MAST4: variants seen among roughly 807,000 people sequenced by gnomAD.
MAST4 encodes microtubule associated serine/threonine kinase family member 4, also known as microtubule-associated serine/threonine-protein kinase 4.
MAST4 carries 89 observed loss-of-function variants against 162.7 expected under a neutral mutation model. The ratio of observed to expected loss-of-function variants is 0.55; its 90% CI spans 0.46 to 0.65. MAST4 has a LOEUF of 0.65. MAST4 is among the 30% of genes least tolerant of loss of function. The pLI, the probability that MAST4 is intolerant of heterozygous loss-of-function variation, is 0.00. For missense variants in MAST4, 3,153 were observed against 3,374.0 expected (o/e 0.93, Z 1.62); for synonymous variants, 1,479 against 1,361.1 (o/e 1.09, Z -1.91).
intron 1 of MAST4, among the ~76,000 whole-genome samples, chr5:66,632,434 C>T (rs553711127): frequency 1.3e-5 from 2 of 151,708 alleles, no homozygotes; most frequent in Admixed American, 6.6e-5. Context: ...TTGGAGAAGT[C>T]ATCTGGGCTA....
chr5:66,881,246 G>A (rs756865819), intron 3 of MAST4, among the ~76,000 whole-genome samples: 10 of 152,124 alleles, frequency 6.6e-5, no homozygotes, highest in Non-Finnish European at 1.2e-4. Context: ...CCAGCAAAAT[G>A]ACAGCTGTTT....
At chr5:66,680,100 G>C (rs1324391284) in intron 1 of MAST4, among the ~76,000 whole-genome samples, 2 of 152,150 alleles carry the variant, frequency 1.3e-5, no homozygotes, top group African/African-American at 4.8e-5. Flanking sequence ...TTTGGATTGG[G>C]CCTCTGGCCT....
chr5:66,789,851 C>G (rs1178254119), intron 3 of MAST4: 4 of 472,464 alleles, frequency 8.5e-6, no homozygotes, highest in Middle Eastern at 4.2e-4. Context: ...CTGGATCACT[C>G]TTTTCTATGT....
At chr5:66,790,179 A>G (rs1755332728) in intron 3 of MAST4, among the ~76,000 whole-genome samples, 1 of 152,024 alleles carries the variant, frequency 6.6e-6, no homozygotes, top group African/African-American at 2.4e-5. Context: ...TGTGTCTTAT[A>G]ATTTTATGCA....
chr5:67,132,180 A>G (rs1769059172), intron 16 of MAST4, among the ~76,000 whole-genome samples: 1 of 152,082 alleles, frequency 6.6e-6, no homozygotes, highest in Non-Finnish European at 1.5e-5. Flanking sequence ...ATGTATATAT[A>G]TATTTTATTA....
chr5:66,883,576 G>A (rs916019916), intron 3 of MAST4, among the ~76,000 whole-genome samples: 16 of 151,654 alleles, frequency 1.1e-4, no homozygotes, highest in African/African-American at 1.5e-4. Flanking sequence ...CTACAGGTGC[G>A]CACCACCAGA....
At chr5:66,990,927 G>C (rs535977854) in intron 4 of MAST4, among the ~76,000 whole-genome samples, 1 of 83,154 alleles carries the variant, frequency 1.2e-5, no homozygotes, top group South Asian at 4.2e-4. Flanking sequence ...CCTATGAAAG[G>C]CTGATTCTTT....
intron 3 of MAST4, among the ~76,000 whole-genome samples, chr5:66,857,509 T>C (rs1176182853): frequency 6.6e-6 from 1 of 152,248 alleles, no homozygotes; most frequent in East Asian, 1.9e-4. Context: ...TGAATCATTG[T>C]ACACTTCTAC....
chr5:66,716,823 G>C (rs1011113264), intron 1 of MAST4, among the ~76,000 whole-genome samples: 1 of 152,136 alleles, frequency 6.6e-6, no homozygotes, highest in Non-Finnish European at 1.5e-5. Context: ...ATTAACCATT[G>C]TAGTAGAGTA....
intron 3 of MAST4, among the ~76,000 whole-genome samples, chr5:66,837,894 A>ATATATATATATATATATTTTTT (rs1554057455): frequency 1.9e-5 from 1 of 53,712 alleles, no homozygotes; most frequent in Non-Finnish European, 3.0e-5. Context: ...ATATATATAT[A>ATATATATATATATATATTTTTT]TTTTTTTTTT....
chr5:66,718,041 G>C (rs1349264312), intron 1 of MAST4, among the ~76,000 whole-genome samples: 1 of 151,832 alleles, frequency 6.6e-6, no homozygotes, highest in African/African-American at 2.4e-5. Flanking sequence ...TGTTGCTCTT[G>C]GCCATTGCAC....
intron 14 of MAST4, among the ~76,000 whole-genome samples, chr5:67,125,823 G>A (rs1355079178): frequency 1.3e-5 from 2 of 152,070 alleles, no homozygotes; most frequent in African/African-American, 2.4e-5. Flanking sequence ...TTGAGGAATC[G>A]CCACACTGTC....
At chr5:66,977,313 A>T (rs115001843) in intron 4 of MAST4, among the ~76,000 whole-genome samples, 7,215 of 152,068 alleles carry the variant, frequency 0.047, 574 homozygotes, top group African/African-American at 0.16. Context: ...TTTGTCAGGC[A>T]GGTCTCTTAA....
intron 1 of MAST4, among the ~76,000 whole-genome samples, chr5:66,649,465 GC>G (rs1746073865): frequency 6.6e-6 from 1 of 152,188 alleles, no homozygotes; most frequent in Non-Finnish European, 1.5e-5. Context: ...GGTGTTCACA[GC>G]CATCTGTGAT....
At chr5:66,972,006 T>A (rs1252603330) in intron 4 of MAST4, among the ~76,000 whole-genome samples, 3 of 149,638 alleles carry the variant, frequency 2.0e-5, no homozygotes, top group South Asian at 2.1e-4. Context: ...GCGAAAACTT[T>A]AAAAAAAAAA....
At chr5:66,983,943 G>T (rs1267348085) in intron 4 of MAST4, among the ~76,000 whole-genome samples, 1 of 152,186 alleles carries the variant, frequency 6.6e-6, no homozygotes, top group Non-Finnish European at 1.5e-5. Context: ...GTGCTTAGTG[G>T]TAACACAGAG....
In MAST4 at chr5:67,026,410, T is replaced by A. The variant is rs191064488; in HGVS notation, c.675-27994T>A. 3.3e-5 allele frequency among the ~76,000 whole-genome samples: 5 copies of A among 152,352 alleles called. No individual in the cohort carries two copies. The East Asian group carries it at 9.6e-4, about 29-fold the overall frequency. ...AGCTGCTGCATAAATGCCCCTGTGTTAATTTGGGTACAGACTCACAGCCTG... is the reference window on the plus strand; with the variant it reads ...AGCTGCTGCATAAATGCCCCTGTGTAAATTTGGGTACAGACTCACAGCCTG... On this transcript the variant is annotated intron_variant, in intron 4 of 28. Transcript: ENST00000403625.
At chr5:66,748,353 G>T (rs936900478) in intron 1 of MAST4, among the ~76,000 whole-genome samples, 1 of 141,942 alleles carries the variant, frequency 7.0e-6, no homozygotes, top group Non-Finnish European at 1.5e-5. Context: ...TTGTTTATAA[G>T]AACAGAGCAG....
chr5:67,090,294 T>TCTCCCCACTTCTCCCC, intron 6 of MAST4, 63 bp downstream of exon 6: 2 of 1,068,090 alleles, frequency 1.9e-6, no homozygotes, highest in Non-Finnish European at 2.8e-6. Context: ...TTCCTCTCCC[T>TCTCCCCACTTCTCCCC]CTCCCCACTT....
Sources: allele counts gnomAD v4.1 joint callset (sites outside exome capture counted in the v4.1 genomes callset), GRCh38; gene constraint gnomAD v4.1.1; transcripts MANE v1.5; gene names NCBI Gene and HGNC (gene_info 2026-07-23, HGNC 2026-07-21).